The following PCDH9 variants were observed in gnomAD, a reference collection of about 807,000 sequenced individuals.
The protein encoded by PCDH9 is protocadherin 9.
PCDH9 carries 24 observed loss-of-function variants against 70.6 expected under a neutral mutation model. The observed-to-expected ratio is 0.34, with a 90% CI of 0.25 to 0.48. PCDH9 has a LOEUF of 0.48. Ranked by LOEUF, PCDH9 falls within the 20% of genes least tolerant of loss-of-function variation. The pLI is 0.99. For synonymous variants in PCDH9, 562 were observed against 558.5 expected (o/e 1.01, Z -0.09); for missense variants, 1,281 against 1,503.6 (o/e 0.85, Z 2.45).
intron 4 of PCDH9, among the ~76,000 whole-genome samples, chr13:66,420,461 G>A (rs1957545501): frequency 6.6e-6 from 1 of 152,174 alleles, no homozygotes; most frequent in African/African-American, 2.4e-5. Context: ...CTGTGATGAA[G>A]CTTGATGAAG....
At chr13:66,709,888 T>C (rs2078769169) in intron 3 of PCDH9, among the ~76,000 whole-genome samples, 1 of 152,070 alleles carries the variant, frequency 6.6e-6, no homozygotes. Flanking sequence ...AGAAGAAATA[T>C]CCATTTTAGG....
chr13:66,876,041 T>C (rs1185689442), intron 3 of PCDH9, among the ~76,000 whole-genome samples: 2 of 152,182 alleles, frequency 1.3e-5, no homozygotes, highest in Non-Finnish European at 2.9e-5. Flanking sequence ...ACATTAAATA[T>C]CTTCATTGCA....
chr13:66,792,731 T>C (rs918565121), intron 3 of PCDH9, among the ~76,000 whole-genome samples: 1 of 152,128 alleles, frequency 6.6e-6, no homozygotes, highest in Admixed American at 6.6e-5. Context: ...ATTTGTTATA[T>C]TACTACAGAT....
intron 4 of PCDH9, among the ~76,000 whole-genome samples, chr13:66,528,324 G>A (rs547876560): frequency 4.9e-4 from 74 of 152,108 alleles, no homozygotes; most frequent in Non-Finnish European, 9.0e-4. Context: ...ATTCCTCCTC[G>A]GCAATACAAG....
At chr13:66,816,069 C>G (rs2080599880) in intron 3 of PCDH9, among the ~76,000 whole-genome samples, 1 of 152,142 alleles carries the variant, frequency 6.6e-6, no homozygotes, top group Admixed American at 6.5e-5. Context: ...GACATTATTT[C>G]AAAGTTTAGG....
intron 4 of PCDH9, among the ~76,000 whole-genome samples, chr13:66,379,297 T>C (rs1341217835): frequency 6.6e-6 from 1 of 152,194 alleles, no homozygotes; most frequent in East Asian, 1.9e-4. Context: ...GAAAATATGA[T>C]TGCTTTCAAT....
chr13:66,325,068 A>T (rs1955819195), intron 4 of PCDH9, among the ~76,000 whole-genome samples: 2 of 152,024 alleles, frequency 1.3e-5, no homozygotes, highest in South Asian at 4.1e-4. Context: ...ATCATTTATT[A>T]TAGTAATAAT....
At chr13:67,000,967 T>C (rs930914131) in intron 2 of PCDH9, among the ~76,000 whole-genome samples, 2 of 152,202 alleles carry the variant, frequency 1.3e-5, no homozygotes, top group South Asian at 2.1e-4. Flanking sequence ...ATACGTACTA[T>C]GGGCCTGTCA....
At chr13:66,889,415 G>T (rs530909724) in intron 3 of PCDH9, among the ~76,000 whole-genome samples, 3 of 152,216 alleles carry the variant, frequency 2.0e-5, no homozygotes, top group South Asian at 4.2e-4. Context: ...CATATCTCAA[G>T]GTCACGAGCA....
rs570320317 is a variant in PCDH9 at position 67,059,557 on chromosome 13, CAAG to C, written c.3037-155955_3037-155953del. On this transcript the variant is annotated intron_variant, in intron 2 of 4. Coordinates refer to ENST00000377865, the MANE Select transcript of PCDH9 (RefSeq NM_203487.3). ...CAATAGAGCAGTGACCGGGATTATA[CAAG>C]AAGAAGTATAGTCATGTGGCCGTCT... Among the ~76,000 whole-genome samples the C allele has an allele frequency of 3.4e-3, 510 of 151,452 alleles. 3 individuals are homozygous for C. The highest frequency in any genetic ancestry group is 0.012 in the African/African-American group (486 of 41,334).
chr13:66,489,849 G>A (rs999846839), intron 4 of PCDH9, among the ~76,000 whole-genome samples: 10 of 152,164 alleles, frequency 6.6e-5, no homozygotes, highest in Non-Finnish European at 1.3e-4. Flanking sequence ...GCTAGTAACA[G>A]TCTTAAAATG....
Position 67,225,647 on chromosome 13 carries a change from T to C in PCDH9, c.2794A>G (p.Ser932Gly). The change falls in exon 2 of 5, where the codon AGT (serine) becomes GGT (glycine). Residue 932 changes from serine to glycine, a missense_variant. Physicochemically the swap from Ser to Gly is moderately conservative, Grantham distance 56 (BLOSUM62 0). Around this residue, in one of 4 missense-constraint regions of PCDH9, gnomAD observed 207 missense variants for 191.8 expected, o/e 1.08. Coordinates refer to ENST00000377865, the MANE Select transcript of PCDH9 (RefSeq NM_203487.3). ...TTGTAGTGCTTGGCCAGGTCAGGAC[T>C]GTTAGGCTTGAATGTTGTTGGAGGT... is the stretch of plus-strand genomic sequence containing the variant. ...PAPPTTFKPN[S>G]PDLAKHYKSA... 1 of 1,614,176 alleles carries C rather than the reference T, an allele frequency of 6.2e-7. No homozygotes were observed. Among genetic ancestry groups the C allele is most frequent in the Non-Finnish European group, 8.5e-7 (1 of 1,180,026 alleles).
chr13:66,457,776 A>C (rs1321898163), intron 4 of PCDH9, among the ~76,000 whole-genome samples: 2 of 152,036 alleles, frequency 1.3e-5, no homozygotes, highest in Non-Finnish European at 2.9e-5. Flanking sequence ...TTATAGCTGC[A>C]AGCACACTAA....
intron 3 of PCDH9, among the ~76,000 whole-genome samples, chr13:66,786,726 T>C (rs2080085485): frequency 6.6e-6 from 1 of 152,162 alleles, no homozygotes; most frequent in Non-Finnish European, 1.5e-5. Context: ...TTTGGGTAAC[T>C]GTATAATTTA....
Position 66,663,684 on chromosome 13 carries a change from ATTAG to A in PCDH9, c.3139-32277_3139-32274del, listed in dbSNP as rs1052120977. Among the ~76,000 whole-genome samples, 9 of 152,370 alleles carry A rather than the reference ATTAG, an allele frequency of 5.9e-5. No individual in the cohort carries two copies. In the South Asian group the frequency reaches 6.2e-4, roughly 11 times the overall value. Reference sequence around the variant, plus strand: ...GCATGGAGAGATTCTCGATATAAAAATTAGTTAATCTTTATAAAAATCGAAATAT... The same window carrying A: ...GCATGGAGAGATTCTCGATATAAAAATTAATCTTTATAAAAATCGAAATAT... On this transcript the variant is annotated intron_variant, in intron 3 of 4. Coordinates refer to ENST00000377865, the MANE Select transcript of PCDH9 (RefSeq NM_203487.3).
chr13:66,339,161 T>C (rs1259079675), intron 4 of PCDH9, among the ~76,000 whole-genome samples: 1 of 152,098 alleles, frequency 6.6e-6, no homozygotes, highest in Non-Finnish European at 1.5e-5. Context: ...GTTGTAGCTT[T>C]TATGATCACA....
At chr13:66,739,812 C>A (rs1004839447) in intron 3 of PCDH9, among the ~76,000 whole-genome samples, 3 of 127,500 alleles carry the variant, frequency 2.4e-5, no homozygotes, top group Non-Finnish European at 3.3e-5. Context: ...ATATATGCAC[C>A]CAATACAGGA....
At chr13:67,121,774 G>A (rs1241256151) in intron 2 of PCDH9, among the ~76,000 whole-genome samples, 1 of 152,076 alleles carries the variant, frequency 6.6e-6, no homozygotes, top group African/African-American at 2.4e-5. Context: ...AAAAGATTGG[G>A]CACTCTCTGA....
intron 4 of PCDH9, among the ~76,000 whole-genome samples, chr13:66,347,359 T>G (rs1956227718): frequency 6.6e-6 from 1 of 152,168 alleles, no homozygotes; most frequent in African/African-American, 2.4e-5. Flanking sequence ...CCCTTATCAT[T>G]CAGTGTACTT....
Sources: allele counts gnomAD v4.1 joint callset (sites outside exome capture counted in the v4.1 genomes callset), GRCh38; gene constraint gnomAD v4.1.1; regional missense constraint gnomAD v4.1.1; transcripts MANE v1.5; gene names NCBI Gene and HGNC (gene_info 2026-07-23, HGNC 2026-07-21).